The following TMEM217 variants were observed in gnomAD, a reference collection of about 807,000 sequenced individuals.
TMEM217 encodes the protein chromosome 6 open reading frame 128.
For missense variants in TMEM217, 204 were observed against 248.8 expected (o/e 0.82, Z 1.21); for synonymous variants, 76 against 88.3 (o/e 0.86, Z 0.78).
At chr6:37,248,367 T>G (rs1035072512) in intron 1 of TMEM217, among the ~76,000 whole-genome samples, 4 of 152,234 alleles carry the variant, frequency 2.6e-5, no homozygotes, top group African/African-American at 7.2e-5. Flanking sequence ...AATGATCTGG[T>G]GCAGTGCTGC....
chr6:37,252,155 A>C (rs940121817), intron 1 of TMEM217, among the ~76,000 whole-genome samples: 2 of 152,194 alleles, frequency 1.3e-5, no homozygotes. Context: ...GGCCTCCCAA[A>C]GTGCTGGGAT....
exon 2 of TMEM217, chr6:37,218,482 T>C (rs747358479): frequency 6.2e-7 from 1 of 1,613,962 alleles, no homozygotes; most frequent in Non-Finnish European, 8.5e-7. Flanking sequence ...CACTCGAAAT[T>C]GATAATCTTT....
At chr6:37,213,037 G>C, downstream of TMEM217, 1 of 1,374,798 alleles carries the variant, frequency 7.3e-7, no homozygotes, top group East Asian at 2.5e-5. Flanking sequence ...CAAGATGGCA[G>C]AGGTAGCCTT....
chr6:37,218,516 G>A lies in TMEM217; in HGVS notation c.515C>T (p.Ala172Val), dbSNP rs200153019. ...TTTATTTCTGCTGTGGAGAATCTCC[G>A]CTGTAGAAATTCGTCTCTTGTAGGA... The change falls in exon 2 of 2, where the codon GCG (alanine) becomes GTG (valine). Residue 172 changes from alanine (A) to valine (V), a missense_variant. Coordinates refer to ENST00000357219, the Ensembl canonical transcript of TMEM217. 2.4e-5 allele frequency: 38 copies of A among 1,614,034 alleles called. No individual in the cohort carries two copies. Among genetic ancestry groups the A allele is most frequent in the Middle Eastern group, 1.7e-4 (1 of 6,060 alleles).
intron 1 of TMEM217, among the ~76,000 whole-genome samples, chr6:37,228,321 T>A (rs1206353708): frequency 6.6e-6 from 1 of 152,244 alleles, no homozygotes; most frequent in African/African-American, 2.4e-5. Flanking sequence ...GTATTTGAAT[T>A]CAAATTTCCT....
intron 1 of TMEM217, among the ~76,000 whole-genome samples, chr6:37,237,383 T>A (rs969264494): frequency 6.6e-6 from 1 of 152,184 alleles, no homozygotes; most frequent in Non-Finnish European, 1.5e-5. Context: ...CAAGACCCCA[T>A]CAAGTCAAAA....
chr6:37,252,852 C>T (rs1215546024), intron 1 of TMEM217, among the ~76,000 whole-genome samples: 1 of 151,672 alleles, frequency 6.6e-6, no homozygotes, highest in African/African-American at 2.4e-5. Flanking sequence ...GTTGCCCAGG[C>T]TGGTCTCGAA....
At chr6:37,218,926 C>T (rs757856760) in exon 2 of TMEM217, 3 of 1,614,026 alleles carry the variant, frequency 1.9e-6, no homozygotes, top group African/African-American at 1.3e-5. Context: ...TCCCTAGGTG[C>T]TTCTGTTCAA....
chr6:37,215,372 C>A (rs1182580086), downstream of TMEM217: 28 of 1,438,854 alleles, frequency 1.9e-5, no homozygotes, highest in Admixed American at 4.1e-5. Context: ...GTCAGGAGTT[C>A]AAGACCAGTC....
At chr6:37,214,188 C>T (rs1177687226), downstream of TMEM217, among the ~76,000 whole-genome samples, 4 of 152,330 alleles carry the variant, frequency 2.6e-5, no homozygotes, top group East Asian at 1.9e-4. Flanking sequence ...TTCACGTTGT[C>T]GTGCAAGCAT....
intron 1 of TMEM217, among the ~76,000 whole-genome samples, chr6:37,235,658 G>A (rs1267521241): frequency 4.6e-5 from 7 of 152,236 alleles, no homozygotes; most frequent in Middle Eastern, 3.4e-3. Flanking sequence ...GAGCCACCAC[G>A]CCTGGCCTAA....
chr6:37,212,403 A>C (rs1396866576), exon 4 of TMEM217: 1 of 395,638 alleles, frequency 2.5e-6, no homozygotes, highest in Non-Finnish European at 5.1e-6. Flanking sequence ...CTTTCCTGGC[A>C]TCTGGCATGG....
intron 1 of TMEM217, among the ~76,000 whole-genome samples, chr6:37,229,501 C>G (rs1340782331): frequency 6.6e-6 from 1 of 151,864 alleles, no homozygotes. Flanking sequence ...CGCCACCACG[C>G]CCGGCTAATT....
intron 1 of TMEM217, among the ~76,000 whole-genome samples, chr6:37,252,015 T>A (rs1765423673): frequency 6.6e-6 from 1 of 152,158 alleles, no homozygotes; most frequent in Non-Finnish European, 1.5e-5. Flanking sequence ...TGCCTCAGCC[T>A]CCCGAGTAGC....
intron 1 of TMEM217, among the ~76,000 whole-genome samples, chr6:37,245,731 G>A (rs537524549): frequency 2.0e-5 from 3 of 151,864 alleles, no homozygotes; most frequent in East Asian, 3.9e-4. Flanking sequence ...GGAGGAGGAC[G>A]AGGAGGAGGA....
At chr6:37,239,655 A>G (rs1764664467) in intron 1 of TMEM217, among the ~76,000 whole-genome samples, 1 of 152,122 alleles carries the variant, frequency 6.6e-6, no homozygotes, top group African/African-American at 2.4e-5. Flanking sequence ...TTTATTTTCA[A>G]TTGCTCTCAT....
chr6:37,251,425 T>A (rs1191146677), intron 1 of TMEM217, among the ~76,000 whole-genome samples: 1 of 152,224 alleles, frequency 6.6e-6, no homozygotes, highest in Non-Finnish European at 1.5e-5. Flanking sequence ...GAATGTTGAA[T>A]GAGCAATGCT....
At position 37,239,595 on chromosome 6, in the gene TMEM217, C is replaced by T. The variant is rs189434584; in HGVS notation, c.-12+17973G>A. 3.3e-5 allele frequency among the ~76,000 whole-genome samples: 5 copies of T among 152,166 alleles called. No homozygotes were observed. In the South Asian group the frequency reaches 1.0e-3, roughly 32 times the overall value. On this transcript the variant is annotated intron_variant, in intron 1 of 1. Transcript: ENST00000357219. ...TTCAGTGGTACCTAAGATAATGATG[C>T]ATTTTGCAGTTGACGGCACCTTAGA...
chr6:37,247,673 C>A (rs116597593), intron 1 of TMEM217, among the ~76,000 whole-genome samples: 1 of 151,936 alleles, frequency 6.6e-6, no homozygotes, highest in African/African-American at 2.4e-5. Context: ...GGCATGAACC[C>A]GGCAAGGGCA....
Sources: gnomAD v4.1 joint callset for allele counts (sites outside exome capture counted in the v4.1 genomes callset) on GRCh38, gnomAD v4.1.1 for gene constraint, MANE v1.5 for transcripts, NCBI Gene and HGNC (gene_info 2026-07-23, HGNC 2026-07-21) for gene names.